Variants in SLC27A4 observed in about 807,000 individuals in gnomAD.
The protein encoded by SLC27A4 is solute carrier family 27 member 4.
A neutral mutation model predicts 64.4 loss-of-function variants in SLC27A4; 33 were observed. That is an observed-to-expected ratio of 0.51 (90% confidence interval 0.39 to 0.68). The LOEUF is 0.68. SLC27A4 is among the 30% of genes least tolerant of loss of function. The pLI is 0.00. For synonymous variants in SLC27A4, 377 were observed against 370.0 expected, an observed-to-expected ratio of 1.02 and a Z score of -0.22; for missense variants, 824 against 883.5, an observed-to-expected ratio of 0.93 and a Z score of 0.85.
At chr9:128,359,454 T>C (rs1832867917) in intron 12 of SLC27A4, among the ~76,000 whole-genome samples, 1 of 152,040 alleles carries the variant, frequency 6.6e-6, no homozygotes, top group African/African-American at 2.4e-5. Flanking sequence ...TGAAACCCCG[T>C]CTCTACTAAA....
intron 2 of SLC27A4, among the ~76,000 whole-genome samples, chr9:128,343,969 C>G (rs2131251265): frequency 6.6e-6 from 1 of 152,290 alleles, no homozygotes; most frequent in African/African-American, 2.4e-5. Flanking sequence ...GTCCCAGCAC[C>G]CAGTTCAGTG....
At chr9:128,341,469 C>CTG (rs1015531758) in intron 1 of SLC27A4, among the ~76,000 whole-genome samples, 3 of 152,200 alleles carry the variant, frequency 2.0e-5, no homozygotes, top group African/African-American at 7.2e-5. Flanking sequence ...ATCCGAGTGG[C>CTG]TGTGTGTGTC....
chr9:128,355,156 T>C lies in SLC27A4; in HGVS notation c.1428T>C (p.Asp476=), dbSNP rs145475190. 1 of 1,613,640 alleles carries C rather than the reference T, an allele frequency of 6.2e-7. No homozygotes were observed. The highest frequency in any genetic ancestry group is 8.5e-7 in the Non-Finnish European group (1 of 1,179,814). Residue 476 remains aspartate (D), a synonymous_variant, in exon 10 of 13, where the codon GAT becomes GAC. Coordinates refer to ENST00000300456, the MANE Select transcript of SLC27A4 (RefSeq NM_005094.4). ...QGANNKKIAK[D]VFKKGDQAYL... ...CCAACAACAAGAAGATTGCCAAGGA[T>C]GTCTTCAAGAAGGGGGACCAGGCCT...
intron 7 of SLC27A4, 102 bp from the exon 8 acceptor site, chr9:128,352,923 A>G (rs1024039858): frequency 1.2e-5 from 14 of 1,181,272 alleles, no homozygotes; most frequent in Non-Finnish European, 1.6e-5. Flanking sequence ...AAAGGATGGC[A>G]TGGCCAGCCC....
Position 128,340,846 on chromosome 9 carries a change from T to G in SLC27A4, c.-7+8T>G, listed in dbSNP as rs1304759571. ...CGGCGGAGCCGACGCCGGGTGAGCA[T>G]AGACCGGGCTGGTGGGTTCCCGGGT... On this transcript the variant is annotated splice_region_variant and intron_variant, in intron 1 of 12. Transcript: ENST00000300456. The G allele has an allele frequency of 3.0e-6, 2 of 675,118 alleles. No homozygotes were observed. The highest frequency in any genetic ancestry group is 5.5e-6 in the Non-Finnish European group (2 of 365,972). The allele number at this position is 675,118 out of a possible 1,614,324, so 41.8% of individuals were successfully genotyped here. A position where few individuals can be genotyped will look rare whatever the true frequency, so the allele number is the denominator to read the frequency against.
chr9:128,359,214 C>T (rs941234018), intron 12 of SLC27A4, among the ~76,000 whole-genome samples: 2 of 152,188 alleles, frequency 1.3e-5, no homozygotes, highest in Admixed American at 6.5e-5. Flanking sequence ...TGCGGCCAGG[C>T]GTGGCAGCTC....
chr9:128,350,733 A>G (rs1356538053), intron 6 of SLC27A4, among the ~76,000 whole-genome samples, 158 bp downstream of exon 6: 1 of 152,234 alleles, frequency 6.6e-6, no homozygotes, highest in Non-Finnish European at 1.5e-5. Flanking sequence ...AGGTGGGCGG[A>G]TCACTTGAGG....
In SLC27A4 at chr9:128,352,605, G is replaced by T. The variant is rs753615271; in HGVS notation, c.878-33G>T. 5 of 1,552,746 alleles carry T rather than the reference G, an allele frequency of 3.2e-6. No individual in the cohort carries two copies. The South Asian group carries it at 5.6e-5, about 17-fold the overall frequency. The stretch of plus-strand genomic sequence containing the variant: ...TGGGGCCGGGGAGGGTCTTCATCTC[G>T]CTGACCCTCAGGGGCCATCCCTCTG... On this transcript the variant is annotated intron_variant, in intron 6 of 12. Transcript: ENST00000300456.
Position 128,353,944 on chromosome 9 carries a change from C to T in SLC27A4, c.1324+403C>T, listed in dbSNP as rs535976516. 4.4e-4 allele frequency among the ~76,000 whole-genome samples: 67 copies of T among 150,738 alleles called. No homozygotes were observed. Among genetic ancestry groups the T allele is most frequent in the Admixed American group, 7.2e-4 (11 of 15,184 alleles). On this transcript the variant is annotated intron_variant, in intron 9 of 12. Transcript: ENST00000300456. This position sits in a 1 kb window ranked among gnomAD's most constrained non-coding sequence, Gnocchi z 4.9. ...ATTTTTAGTAGAGACGGGGTTTCACCGTTTTAGCCGGGATGGTCTCGATCT... is the reference window on the plus strand; with the variant it reads ...ATTTTTAGTAGAGACGGGGTTTCACTGTTTTAGCCGGGATGGTCTCGATCT...
Position 128,353,284 on chromosome 9 carries a change from A to G in SLC27A4, c.1197+50A>G, listed in dbSNP as rs778472462. On this transcript the variant is annotated intron_variant, in intron 8 of 12. Coordinates refer to ENST00000300456, the MANE Select transcript of SLC27A4 (RefSeq NM_005094.4). This position sits in a 1 kb window ranked among gnomAD's most constrained non-coding sequence, Gnocchi z 4.9. ...AGGCTGCTGCAGGGATGGCCCACAGAAGGCACTGGATGCAGAGGGGAGGGC... is the reference window on the plus strand; with the variant it reads ...AGGCTGCTGCAGGGATGGCCCACAGGAGGCACTGGATGCAGAGGGGAGGGC... 3 of 1,608,870 alleles carry G rather than the reference A, an allele frequency of 1.9e-6. No homozygotes were observed. The highest frequency in any genetic ancestry group is 1.7e-5 in the Admixed American group (1 of 59,986).
chr9:128,349,694 C>CTCA (rs1185249718), intron 4 of SLC27A4, among the ~76,000 whole-genome samples: 2 of 152,178 alleles, frequency 1.3e-5, no homozygotes, highest in African/African-American at 4.8e-5. Flanking sequence ...TGGAGTCTGC[C>CTCA]TGTGGAGTTC....
chr9:128,345,680 G>A lies in SLC27A4; in HGVS notation c.556+131G>A. On this transcript the variant is annotated intron_variant, in intron 3 of 12. Transcript: ENST00000300456. The surrounding 1 kb of genome is among the most constrained non-coding windows in gnomAD (Gnocchi z 4.1). ...CACAGAGTGGAGTCAGACAGCTTAG[G>A]CAGTGCCACGAGTAAACGAGATCCT... 1 of 1,081,116 alleles carries A rather than the reference G, an allele frequency of 9.2e-7. No homozygotes were observed. Among genetic ancestry groups the A allele is most frequent in the Non-Finnish European group, 1.3e-6 (1 of 776,342 alleles). The allele number at this position is 1,081,116 out of a possible 1,614,324, so 67.0% of individuals were successfully genotyped here.
chr9:128,358,730 A>G (rs1172065019), intron 12 of SLC27A4, among the ~76,000 whole-genome samples: 1 of 152,178 alleles, frequency 6.6e-6, no homozygotes, highest in African/African-American at 2.4e-5. Context: ...TACAGGCGTG[A>G]GCCACCATGC....
rs559882488 is a variant in SLC27A4, at chr9:128,360,205, G to T, written c.1775-129G>T. On this transcript the variant is annotated intron_variant, in intron 12 of 12. Transcript: ENST00000300456. ...TTCTTTGCAAACTGTAAAGGGCTGT[G>T]CCTCCTCCCCCACTTCCCTCCCCTG... 3.1e-5 allele frequency: 33 copies of T among 1,053,910 alleles called. No individual in the cohort carries two copies. In the East Asian group the frequency reaches 4.5e-4, roughly 14 times the overall value. The allele number at this position is 1,053,910 out of a possible 1,614,324, so 65.3% of individuals were successfully genotyped here. A position where few individuals can be genotyped will look rare whatever the true frequency, so the allele number is the denominator to read the frequency against.
intron 2 of SLC27A4, among the ~76,000 whole-genome samples, chr9:128,344,043 G>A (rs150451992): frequency 6.6e-6 from 1 of 152,322 alleles, no homozygotes; most frequent in African/African-American, 2.4e-5. Context: ...AGAAGGCACG[G>A]AGTGGCACAC....
Position 128,355,383 on chromosome 9 carries a change from C to A in SLC27A4, c.1463-15C>A. 6.2e-7 allele frequency: 1 copy of A among 1,613,386 alleles called. No individual in the cohort carries two copies. The highest frequency in any genetic ancestry group is 2.2e-5 in the East Asian group (1 of 44,866). On this transcript the variant is annotated splice_polypyrimidine_tract_variant and intron_variant, in intron 10 of 12. Coordinates refer to ENST00000300456, the MANE Select transcript of SLC27A4 (RefSeq NM_005094.4). ...CTGGCCAGGCCCAGCCCTGCCTCAT[C>A]CGGCCCCTCCCTAGGTGATGTGCTG...
rs1021886970 is a variant in SLC27A4, at chr9:128,360,660, C to T, written c.*169C>T. ...CAAGTGACTCATTGCCTTCCCAACC[C>T]TTCCAGAGGCTTTCTGTGAAAGTCT... On this transcript the variant is annotated 3_prime_UTR_variant, in exon 13 of 13. Coordinates refer to ENST00000300456, the MANE Select transcript of SLC27A4 (RefSeq NM_005094.4). 1.5e-6 allele frequency: 1 copy of T among 653,152 alleles called. No individual in the cohort carries two copies. The highest frequency in any genetic ancestry group is 1.9e-5 in the South Asian group (1 of 53,378). The allele number at this position is 653,152 out of a possible 1,614,324, so 40.5% of individuals were successfully genotyped here. A position where few individuals can be genotyped will look rare whatever the true frequency, so the allele number is the denominator to read the frequency against.
Position 128,360,747 on chromosome 9 carries a change from G to A in SLC27A4, c.*256G>A, listed in dbSNP as rs1832890341. 4 of 514,094 alleles carry A rather than the reference G, an allele frequency of 7.8e-6. 1 individual carries two copies. In the South Asian group the frequency reaches 8.1e-5, roughly 10 times the overall value. 31.8% of individuals were successfully genotyped at this position (514,094 alleles called of 1,614,324 possible). On this transcript the variant is annotated 3_prime_UTR_variant, in exon 13 of 13. Coordinates refer to ENST00000300456, the MANE Select transcript of SLC27A4 (RefSeq NM_005094.4). ...TCTGGTTCCCAGGCTGAGACTGACG[G>A]GTTTTCTCAGGATGATGTCTTGGGT...
At chr9:128,346,827 C>T (rs148998375) in intron 3 of SLC27A4, among the ~76,000 whole-genome samples, 266 of 151,610 alleles carry the variant, frequency 1.8e-3, no homozygotes, top group Middle Eastern at 0.017. Flanking sequence ...TGGTGAAACC[C>T]CGTCTCTAAT....
Sources: gnomAD v4.1 joint callset for allele counts (sites outside exome capture counted in the v4.1 genomes callset) on GRCh38, gnomAD v4.1.1 for gene constraint, Gnocchi (gnomAD v3.1) non-coding constraint, MANE v1.5 for transcripts, NCBI Gene and HGNC (gene_info 2026-07-23, HGNC 2026-07-21) for gene names.